NR6A1: variants seen among roughly 807,000 people sequenced by gnomAD.
NR6A1 encodes nuclear receptor subfamily 6 group A member 1.
NR6A1 carries 7 observed loss-of-function variants against 59.1 expected under a neutral mutation model. That is an observed-to-expected ratio of 0.12 (90% CI 0.07 to 0.22). The LOEUF (loss-of-function observed/expected upper bound fraction) is 0.22. Among genes scored for constraint, NR6A1 ranks in the 10% least tolerant of loss-of-function variants. NR6A1 has a pLI of 1.00. For synonymous variants in NR6A1, 243 were observed against 236.1 expected (o/e 1.03, Z -0.27); for missense variants, 468 against 611.6 (o/e 0.77, Z 2.48).
At chr9:124,626,020 A>T (rs1000669106) in intron 2 of NR6A1, among the ~76,000 whole-genome samples, 2 of 152,014 alleles carry the variant, frequency 1.3e-5, no homozygotes, top group African/African-American at 4.8e-5. Flanking sequence ...TCATTTATTT[A>T]TTTTTTGAGA....
At chr9:124,643,336 C>T (rs1836822881) in intron 2 of NR6A1, among the ~76,000 whole-genome samples, 3 of 151,958 alleles carry the variant, frequency 2.0e-5, no homozygotes. Context: ...CATGGTGTCT[C>T]ACACCTGTAA....
chr9:124,538,701 G>A (rs1022715515), intron 5 of NR6A1, among the ~76,000 whole-genome samples: 6 of 152,170 alleles, frequency 3.9e-5, no homozygotes, highest in Admixed American at 1.3e-4. Context: ...GGCACAGACA[G>A]GCTAAGTCCT....
At position 124,566,699 on chromosome 9, in the gene NR6A1, A is replaced by G. The variant is rs1834250842; in HGVS notation, c.143-12129T>C. On this transcript the variant is annotated intron_variant, in intron 2 of 9. Transcript: ENST00000487099. ...GAGATGAAGAGAGGAGGGGATAGGAAAGTGGCAGAGAGGAACTCAAGGTTC... is the reference window on the plus strand; with the variant it reads ...GAGATGAAGAGAGGAGGGGATAGGAGAGTGGCAGAGAGGAACTCAAGGTTC... 3.3e-5 allele frequency among the ~76,000 whole-genome samples: 5 copies of G among 152,346 alleles called. No homozygotes were observed. In the South Asian group the frequency reaches 1.0e-3, roughly 32 times the overall value.
intron 2 of NR6A1, chr9:124,599,320 G>C: frequency 5.5e-6 from 2 of 365,122 alleles, no homozygotes; most frequent in Non-Finnish European, 1.0e-5. Context: ...GCGGGCGCCC[G>C]AGGCAGGAGA....
At chr9:124,554,690 C>T in intron 2 of NR6A1, 120 bp from the exon 3 acceptor site, 1 of 1,273,474 alleles carries the variant, frequency 7.9e-7, no homozygotes, top group Non-Finnish European at 1.1e-6. Flanking sequence ...AAAGGGCAAA[C>T]AGGGGGCCCA....
At chr9:124,613,219 C>T (rs1250413794) in intron 2 of NR6A1, among the ~76,000 whole-genome samples, 1 of 151,498 alleles carries the variant, frequency 6.6e-6, no homozygotes, top group African/African-American at 2.4e-5. Flanking sequence ...ACCTGTAGTC[C>T]CATCTATTTG....
At chr9:124,606,031 C>T (rs1288415897) in intron 2 of NR6A1, among the ~76,000 whole-genome samples, 1 of 152,152 alleles carries the variant, frequency 6.6e-6, no homozygotes, top group African/African-American at 2.4e-5. Context: ...AAAACCATGC[C>T]AGTTCTACTT....
chr9:124,576,576 C>T (rs964663722), intron 2 of NR6A1, among the ~76,000 whole-genome samples: 11 of 152,098 alleles, frequency 7.2e-5, no homozygotes, highest in African/African-American at 2.2e-4. Context: ...CGTGAACCAC[C>T]GCGCCCAGCC....
chr9:124,519,340 CCT>C lies in NR6A1; in HGVS notation c.*3363_*3364del, dbSNP rs1161515091. 4 of 152,248 alleles carry C rather than the reference CCT, an allele frequency of 2.6e-5. No individual in the cohort carries two copies. Among genetic ancestry groups the C allele is most frequent in the African/African-American group, 9.6e-5 (4 of 41,452 alleles). The allele number at this position is 152,248 out of a possible 1,614,324, so 9.4% of individuals were successfully genotyped here. A position where few individuals can be genotyped will look rare whatever the true frequency, so the allele number is the denominator to read the frequency against. ...TGAGTGGGGCATAGGGGCTGGGTGT[CCT>C]CTGAGCCAGGTTGAGCGCTTTGAGA... On this transcript the variant is annotated 3_prime_UTR_variant, in exon 10 of 10. Coordinates refer to ENST00000487099, the MANE Select transcript of NR6A1 (RefSeq NM_033334.4).
intron 2 of NR6A1, among the ~76,000 whole-genome samples, chr9:124,702,485 T>C (rs868076119): frequency 6.6e-6 from 1 of 152,132 alleles, no homozygotes; most frequent in African/African-American, 2.4e-5. Flanking sequence ...TTATCACTGA[T>C]ACAGTTTGGA....
intron 2 of NR6A1, among the ~76,000 whole-genome samples, chr9:124,660,318 C>T (rs1458829160): frequency 6.6e-6 from 1 of 152,136 alleles, no homozygotes; most frequent in African/African-American, 2.4e-5. Flanking sequence ...TAAAATGATA[C>T]TTGGGAATGT....
chr9:124,724,283 G>A (rs76560046), intron 2 of NR6A1, among the ~76,000 whole-genome samples: 5,830 of 152,162 alleles, frequency 0.038, 323 homozygotes, highest in African/African-American at 0.12. Context: ...GTTATTTCTA[G>A]GTGGTGGGAT....
chr9:124,671,735 T>C (rs1236440961), intron 2 of NR6A1, among the ~76,000 whole-genome samples: 1 of 152,202 alleles, frequency 6.6e-6, no homozygotes, highest in East Asian at 1.9e-4. Flanking sequence ...CTAGAGATGG[T>C]ATTTTAACAC....
intron 2 of NR6A1, among the ~76,000 whole-genome samples, chr9:124,684,022 A>T (rs1838251708): frequency 6.6e-6 from 1 of 152,144 alleles, no homozygotes; most frequent in Non-Finnish European, 1.5e-5. Context: ...AGCACCTATG[A>T]CTCTTGCCCA....
chr9:124,566,569 G>A (rs965745278), intron 2 of NR6A1, among the ~76,000 whole-genome samples: 1 of 152,170 alleles, frequency 6.6e-6, no homozygotes, highest in Non-Finnish European at 1.5e-5. Flanking sequence ...CTTGAAAACT[G>A]ATTTGGAATA....
chr9:124,541,021 A>G (rs1161313247), intron 4 of NR6A1, among the ~76,000 whole-genome samples: 5 of 152,228 alleles, frequency 3.3e-5, no homozygotes, highest in Admixed American at 3.3e-4. Context: ...CTAAAACTAT[A>G]AAACTCCTTG....
chr9:124,721,730 A>G (rs2131097811), intron 2 of NR6A1, among the ~76,000 whole-genome samples: 1 of 152,340 alleles, frequency 6.6e-6, no homozygotes, highest in East Asian at 1.9e-4. Context: ...CTTCAAAAAT[A>G]GTCTTCATTC....
chr9:124,709,007 C>A (rs916999670), intron 2 of NR6A1, among the ~76,000 whole-genome samples: 1 of 152,184 alleles, frequency 6.6e-6, no homozygotes, highest in African/African-American at 2.4e-5. Flanking sequence ...CTGAATATAT[C>A]TCTCTTCTAC....
At chr9:124,598,680 A>T in intron 2 of NR6A1, 1 of 461,524 alleles carries the variant, frequency 2.2e-6, no homozygotes, top group South Asian at 3.2e-5. Context: ...CAAGGAAGGG[A>T]AAGAGAGGAA....
Sources: gnomAD v4.1 joint callset for allele counts (sites outside exome capture counted in the v4.1 genomes callset) on GRCh38, gnomAD v4.1.1 for gene constraint, MANE v1.5 for transcripts, NCBI Gene and HGNC (gene_info 2026-07-23, HGNC 2026-07-21) for gene names.